FBLN2: variants seen among roughly 807,000 people sequenced by gnomAD.
FBLN2 encodes the protein fibulin-2.
In FBLN2, 81 loss-of-function variants were observed where a neutral mutation model predicts 123.7. The observed-to-expected ratio is 0.65, with a 90% CI of 0.55 to 0.79. FBLN2 has a LOEUF of 0.79. Among genes scored for constraint, FBLN2 ranks in the 30% least tolerant of loss-of-function variants. The pLI, the probability that FBLN2 is intolerant of heterozygous loss-of-function variation, is 0.00. For synonymous variants in FBLN2, 699 were observed against 701.4 expected (o/e 1.00, Z 0.05); for missense variants, 1,603 against 1,681.3 (o/e 0.95, Z 0.81).
At chr3:13,565,614 G>A (rs1034558162) in intron 1 of FBLN2, among the ~76,000 whole-genome samples, 3 of 152,208 alleles carry the variant, frequency 2.0e-5, no homozygotes, top group East Asian at 3.8e-4. Context: ...TTTTAATGCC[G>A]TGATATATGT....
rs963083949 is a variant in FBLN2 at position 13,629,140 on chromosome 3, A to G, written c.2714-24A>G. The stretch of plus-strand genomic sequence containing the variant: ...TGTGTGGAGGGAGCCCCAGGCCTCA[A>G]GGTACCCTGCTCACCCCCCACAGAC... On this transcript the variant is annotated intron_variant, in intron 12 of 17. Transcript: ENST00000404922. 13 of 1,612,612 alleles carry G rather than the reference A, an allele frequency of 8.1e-6. No homozygotes were observed. In the African/African-American group the frequency reaches 9.3e-5, roughly 12 times the overall value.
At chr3:13,604,689 T>C (rs902836205) in intron 2 of FBLN2, among the ~76,000 whole-genome samples, 1 of 152,258 alleles carries the variant, frequency 6.6e-6, no homozygotes, top group South Asian at 2.1e-4. Context: ...ATGTGTCTAA[T>C]GTTCCCCCAT....
At chr3:13,627,633 G>T (rs1202516435) in intron 10 of FBLN2, among the ~76,000 whole-genome samples, 199 bp from the exon 11 acceptor site, 1 of 152,232 alleles carries the variant, frequency 6.6e-6, no homozygotes, top group East Asian at 1.9e-4. Context: ...CCAAAGAGAA[G>T]CGCAGTAAAC....
At position 13,622,137 on chromosome 3, in the gene FBLN2, A is replaced by G. The variant is rs564141201; in HGVS notation, c.2296+222A>G. ...GGCTGCTTTCCCCAGGGACGTGTCT[A>G]TGTGTCAGGGAACTGGATGTGTGGC... On this transcript the variant is annotated intron_variant, in intron 9 of 17. Transcript: ENST00000404922. Among the ~76,000 whole-genome samples the G allele has an allele frequency of 3.3e-5, 5 of 152,208 alleles. No homozygotes were observed. The East Asian group carries it at 7.8e-4, about 24-fold the overall frequency.
chr3:13,600,316 C>T (rs1704988966), intron 2 of FBLN2, among the ~76,000 whole-genome samples: 1 of 152,102 alleles, frequency 6.6e-6, no homozygotes, highest in Admixed American at 6.5e-5. Flanking sequence ...CCTGCTGCAA[C>T]TGGGTGGCCC....
chr3:13,551,842 T>TC (rs1477404819), intron 1 of FBLN2, among the ~76,000 whole-genome samples: 42 of 89,426 alleles, frequency 4.7e-4, no homozygotes, highest in African/African-American at 1.6e-3. Flanking sequence ...GCCCGGCCCC[T>TC]CCTTTTTTTT....
intron 2 of FBLN2, among the ~76,000 whole-genome samples, chr3:13,576,724 C>CCCA (rs1704157422): frequency 6.6e-6 from 1 of 151,784 alleles, no homozygotes; most frequent in Admixed American, 6.6e-5. Context: ...GGGGGATCCC[C>CCCA]CCCCCCCGGG....
intron 1 of FBLN2, among the ~76,000 whole-genome samples, chr3:13,558,733 T>G (rs1421670843): frequency 8.1e-6 from 1 of 124,048 alleles, no homozygotes. Context: ...ACCTACTTTT[T>G]TAGCCACCCA....
chr3:13,570,747 G>A lies in FBLN2; in HGVS notation c.392G>A (p.Cys131Tyr). 6.2e-7 allele frequency: 1 copy of A among 1,601,078 alleles called. No homozygotes were observed. The highest frequency in any genetic ancestry group is 8.5e-7 in the Non-Finnish European group (1 of 1,174,394). ...GAGGCTGTAGTGGTGGCTGACAGCT[G>A]CCCACAGTGCGGCCAGGTGGGCTGC... ...CIEAVVVADSCPQCGQVGCVH... is the reference protein window; with the variant it reads ...CIEAVVVADSYPQCGQVGCVH... Residue 131 changes from cysteine to tyrosine, a missense_variant, in exon 2 of 18, where the codon TGC becomes TAC. Coordinates refer to ENST00000404922, the MANE Select transcript of FBLN2 (RefSeq NM_001004019.2).
intron 7 of FBLN2, 79 bp downstream of exon 7, chr3:13,619,096 T>A (rs1705749446): frequency 9.6e-7 from 1 of 1,041,492 alleles, no homozygotes; most frequent in Non-Finnish European, 1.4e-6. Flanking sequence ...GGTGGTGAGC[T>A]GTCTGGTGCT....
chr3:13,633,209 C>T (rs1281728459), intron 16 of FBLN2, among the ~76,000 whole-genome samples: 3 of 152,262 alleles, frequency 2.0e-5, no homozygotes, highest in Non-Finnish European at 2.9e-5. Flanking sequence ...ATATGCCCAT[C>T]GTGGGTGCAC....
chr3:13,636,554 C>A lies in FBLN2; in HGVS notation c.3324C>A (p.Val1108=), dbSNP rs774283678. ...CLRFECPPNY[V]QVSKTKCERT... is the part of the protein sequence containing the mutation. Reference sequence around the variant, plus strand: ...GCTTCGAGTGTCCTCCCAACTATGTCCAAGTCTCCAAAACGTGAGTGTCCC... The same window carrying A: ...GCTTCGAGTGTCCTCCCAACTATGTACAAGTCTCCAAAACGTGAGTGTCCC... The change falls in exon 17 of 18, where the codon GTC becomes GTA. Residue 1108 remains valine (V), a synonymous_variant. Coordinates refer to ENST00000404922, the MANE Select transcript of FBLN2 (RefSeq NM_001004019.2). The A allele has an allele frequency of 6.2e-7, 1 of 1,613,372 alleles. No homozygotes were observed. Among genetic ancestry groups the A allele is most frequent in the East Asian group, 2.2e-5 (1 of 44,868 alleles).
chr3:13,630,602 C>G lies in FBLN2; in HGVS notation c.2969-97C>G, dbSNP rs111305769. On this transcript the variant is annotated intron_variant, in intron 14 of 17. Transcript: ENST00000404922. ...CGCATAGGTCAACCCCAGTCCAGGC[C>G]GGGGAGCTTGGTGGGCCTGGCTGTC... 8.9e-3 allele frequency: 8,945 copies of G among 1,007,250 alleles called. 57 individuals are homozygous for G. Among genetic ancestry groups the G allele is most frequent in the Middle Eastern group, 0.026 (89 of 3,488 alleles). The allele number at this position is 1,007,250 out of a possible 1,614,324, so 62.4% of individuals were successfully genotyped here.
At chr3:13,574,644 A>G (rs1704075290) in intron 2 of FBLN2, among the ~76,000 whole-genome samples, 2 of 151,930 alleles carry the variant, frequency 1.3e-5, no homozygotes, top group Admixed American at 6.6e-5. Context: ...CAGGGCTGCC[A>G]TGGCAACGCG....
At chr3:13,612,592 A>G (rs918325838) in intron 4 of FBLN2, among the ~76,000 whole-genome samples, 1 of 147,208 alleles carries the variant, frequency 6.8e-6, no homozygotes, top group Non-Finnish European at 1.5e-5. Flanking sequence ...TGTTTTAGCC[A>G]GGATGGTCTC....
intron 2 of FBLN2, among the ~76,000 whole-genome samples, chr3:13,600,943 A>C (rs905798217): frequency 1.3e-5 from 2 of 152,200 alleles, no homozygotes; most frequent in African/African-American, 2.4e-5. Flanking sequence ...GGGCAGGTAC[A>C]TGTGAAATTG....
At position 13,636,526 on chromosome 3, in the gene FBLN2, TGC is replaced by T; in HGVS notation, c.3299_3300del (p.Arg1100LeufsTer22). On this transcript the variant is annotated frameshift_variant, in exon 17 of 18. Coordinates refer to ENST00000404922, the MANE Select transcript of FBLN2 (RefSeq NM_001004019.2). LOFTEE classifies it high-confidence loss of function. ...AACATCCAGGGTAGCTTCCGCTGCC[TGC>T]GCTTCGAGTGTCCTCCCAACTATGT... 1 of 1,613,742 alleles carries T rather than the reference TGC, an allele frequency of 6.2e-7. No individual in the cohort carries two copies. The highest frequency in any genetic ancestry group is 1.1e-5 in the South Asian group (1 of 90,972).
chr3:13,637,890 C>T lies in FBLN2; in HGVS notation c.3667C>T (p.His1223Tyr), dbSNP rs1334040522. The change falls in exon 18 of 18, where the codon CAC (histidine) becomes TAC (tyrosine). Residue 1223 changes from histidine (H) to tyrosine (Y), a missense_variant. His to Tyr is a moderately conservative substitution (Grantham distance 83). Transcript: ENST00000404922. ...GSVTTFLAKM[H>Y]IFFTTFAL ...CGTCACCACCTTCCTGGCCAAGATG[C>T]ACATCTTCTTCACCACCTTTGCCCT... 11 of 1,599,560 alleles carry T rather than the reference C, an allele frequency of 6.9e-6. No homozygotes were observed. The highest frequency in any genetic ancestry group is 1.3e-5 in the African/African-American group (1 of 74,800).
chr3:13,551,600 G>A (rs548898780), intron 1 of FBLN2, among the ~76,000 whole-genome samples: 6 of 152,186 alleles, frequency 3.9e-5, no homozygotes, highest in Non-Finnish European at 8.8e-5. Flanking sequence ...ACTAGTGGGA[G>A]GACTTGGTCT....
Sources: allele counts gnomAD v4.1 joint callset (sites outside exome capture counted in the v4.1 genomes callset), GRCh38; gene constraint gnomAD v4.1.1; transcripts MANE v1.5; gene names NCBI Gene and HGNC (gene_info 2026-07-23, HGNC 2026-07-21).